The following DOCK4 variants were observed in gnomAD, a reference collection of about 807,000 sequenced individuals.
DOCK4 encodes the protein dedicator of cytokinesis protein 4.
A neutral mutation model predicts 268.1 loss-of-function variants in DOCK4; 97 were observed. That is an observed-to-expected ratio of 0.36 (90% CI 0.31 to 0.43). The LOEUF is 0.43. Among genes scored for constraint, DOCK4 ranks in the 20% least tolerant of loss-of-function variants. DOCK4 has a pLI of 1.00. For synonymous variants in DOCK4, 954 were observed against 887.2 expected, an observed-to-expected ratio of 1.08 and a Z score of -1.34; for missense variants, 2,145 against 2,455.7, an observed-to-expected ratio of 0.87 and a Z score of 2.67.
chr7:112,082,116 A>G (rs1024818517), intron 1 of DOCK4, among the ~76,000 whole-genome samples: 2 of 152,210 alleles, frequency 1.3e-5, no homozygotes, highest in African/African-American at 4.8e-5. Flanking sequence ...TGGAATAGAC[A>G]CATAGTAAAT....
intron 12 of DOCK4, among the ~76,000 whole-genome samples, chr7:111,918,233 G>A (rs1051892488): frequency 1.3e-5 from 2 of 152,154 alleles, no homozygotes; most frequent in Non-Finnish European, 2.9e-5. Flanking sequence ...CACACTTTCC[G>A]GTTTGTGTAC....
chr7:112,074,742 C>T (rs1563059891), intron 1 of DOCK4, among the ~76,000 whole-genome samples: 1 of 152,162 alleles, frequency 6.6e-6, no homozygotes, highest in African/African-American at 2.4e-5. Flanking sequence ...CTCATCCTGA[C>T]CCCAGCCTCT....
At chr7:112,070,520 A>T (rs1387961641) in intron 1 of DOCK4, among the ~76,000 whole-genome samples, 1 of 152,150 alleles carries the variant, frequency 6.6e-6, no homozygotes, top group Non-Finnish European at 1.5e-5. Context: ...ATTCAGGCTG[A>T]ATTTTAGAAC....
chr7:112,050,233 G>A (rs1160111828), intron 1 of DOCK4, among the ~76,000 whole-genome samples: 1 of 152,052 alleles, frequency 6.6e-6, no homozygotes, highest in African/African-American at 2.4e-5. Flanking sequence ...TTAAAATACT[G>A]GTCATCTTTG....
At position 111,851,004 on chromosome 7, in the gene DOCK4, T is replaced by C. The variant is rs1278213007; in HGVS notation, c.2474-3878A>G. On this transcript the variant is annotated intron_variant, in intron 23 of 52. Transcript: ENST00000428084. ...CCGAGGTAATTCAATGGAGAAACAA[T>C]AGTTTTCTTCAACAAATGATGCTAG... Among the ~76,000 whole-genome samples the C allele has an allele frequency of 2.0e-5, 3 of 152,200 alleles. No individual in the cohort carries two copies. The East Asian group carries it at 5.8e-4, about 29-fold the overall frequency.
At chr7:112,154,822 G>A (rs1280593259) in intron 1 of DOCK4, among the ~76,000 whole-genome samples, 1 of 152,156 alleles carries the variant, frequency 6.6e-6, no homozygotes, top group East Asian at 1.9e-4. Context: ...ATCCTGCACT[G>A]CAACTTCAGC....
At position 111,901,689 on chromosome 7, in the gene DOCK4, G is replaced by A. The variant is rs749410869; in HGVS notation, c.1305C>T (p.Gly435=). 2.4e-5 allele frequency: 38 copies of A among 1,613,454 alleles called. No homozygotes were observed. Among genetic ancestry groups the A allele is most frequent in the Non-Finnish European group, 3.2e-5 (38 of 1,179,752 alleles). ...AGTATTAACATACCTTCAGGGTTTGGCCACTACTGTCTACAATGAACATCG... is the reference window on the plus strand; with the variant it reads ...AGTATTAACATACCTTCAGGGTTTGACCACTACTGTCTACAATGAACATCG... ...EVTMFIVDSS[G]QTLKDFISFG... Residue 435 remains glycine, a synonymous_variant, in exon 14 of 53, where the codon GGC becomes GGT. Coordinates refer to ENST00000428084, the MANE Select transcript of DOCK4 (RefSeq NM_001363540.2).
intron 22 of DOCK4, among the ~76,000 whole-genome samples, chr7:111,864,214 G>A (rs1404701614): frequency 6.7e-6 from 1 of 149,824 alleles, no homozygotes. Flanking sequence ...CAAGAACTGT[G>A]TGTACAGACT....
intron 1 of DOCK4, among the ~76,000 whole-genome samples, chr7:112,147,654 A>G (rs1485365122): frequency 6.6e-6 from 1 of 152,120 alleles, no homozygotes; most frequent in African/African-American, 2.4e-5. Context: ...AGACCTGGCC[A>G]CAACCATCAC....
chr7:111,980,031 A>G (rs1222921447), intron 7 of DOCK4, among the ~76,000 whole-genome samples: 1 of 152,240 alleles, frequency 6.6e-6, no homozygotes, highest in African/African-American at 2.4e-5. Flanking sequence ...GTTGAGAATC[A>G]CTGATCAGGA....
chr7:111,903,976 T>C (rs1048866135), intron 13 of DOCK4, among the ~76,000 whole-genome samples: 2 of 152,232 alleles, frequency 1.3e-5, no homozygotes, highest in African/African-American at 4.8e-5. Context: ...GTAATTAGCT[T>C]GTCCAAACCA....
chr7:111,954,778 C>T (rs980084207), intron 8 of DOCK4, among the ~76,000 whole-genome samples: 6 of 152,126 alleles, frequency 3.9e-5, no homozygotes, highest in African/African-American at 7.2e-5. Context: ...TGCACCCAGG[C>T]GCTCATTAAA....
intron 1 of DOCK4, among the ~76,000 whole-genome samples, chr7:112,151,318 T>C (rs1368955444): frequency 6.6e-6 from 1 of 152,052 alleles, no homozygotes; most frequent in African/African-American, 2.4e-5. Flanking sequence ...ATCTACCTCA[T>C]AGGTCTGTAG....
chr7:112,004,960 A>AG (rs1800737734), intron 1 of DOCK4, among the ~76,000 whole-genome samples: 1 of 152,206 alleles, frequency 6.6e-6, no homozygotes, highest in Non-Finnish European at 1.5e-5. Flanking sequence ...TTATAGAGAG[A>AG]ATAAAGCTCA....
chr7:111,950,531 T>C (rs1795973959), intron 8 of DOCK4, among the ~76,000 whole-genome samples: 1 of 152,238 alleles, frequency 6.6e-6, no homozygotes, highest in African/African-American at 2.4e-5. Flanking sequence ...AACCTTTTTG[T>C]ATCTTCAACT....
At position 111,919,520 on chromosome 7, in the gene DOCK4, T is replaced by C. The variant is rs75334754; in HGVS notation, c.1067-3616A>G. On this transcript the variant is annotated intron_variant, in intron 12 of 52. Transcript: ENST00000428084. Reference sequence around the variant, plus strand: ...TCAGAGTTGGATGCATACTAAAAGTTTGATAGATACAGTAGTTTTCAACCT... The same window carrying C: ...TCAGAGTTGGATGCATACTAAAAGTCTGATAGATACAGTAGTTTTCAACCT... 6.6e-3 allele frequency among the ~76,000 whole-genome samples: 1,007 copies of C among 152,256 alleles called. 11 individuals carry two copies. The highest frequency in any genetic ancestry group is 0.023 in the African/African-American group (957 of 41,532).
chr7:111,809,870 T>G (rs925123847), intron 28 of DOCK4, among the ~76,000 whole-genome samples: 5 of 152,214 alleles, frequency 3.3e-5, no homozygotes, highest in Admixed American at 2.6e-4. Context: ...ATATGCTAAT[T>G]GCTTTAAATT....
At chr7:111,746,461 G>A (rs1462178424) in intron 43 of DOCK4, 44 bp from the exon 44 acceptor site, 1 of 1,471,292 alleles carries the variant, frequency 6.8e-7, no homozygotes, top group Non-Finnish European at 9.4e-7. Context: ...TGGAGTACAA[G>A]GCAAGTCAAA....
At chr7:112,182,355 A>G (rs1407657760) in intron 1 of DOCK4, among the ~76,000 whole-genome samples, 1 of 152,226 alleles carries the variant, frequency 6.6e-6, no homozygotes, top group Non-Finnish European at 1.5e-5. Context: ...TCTCTCCATG[A>G]TGTAATATTT....
Sources: allele counts gnomAD v4.1 joint callset (sites outside exome capture counted in the v4.1 genomes callset), GRCh38; gene constraint gnomAD v4.1.1; transcripts MANE v1.5; gene names NCBI Gene and HGNC (gene_info 2026-07-23, HGNC 2026-07-21).